The following MALRD1 variants were observed in gnomAD, a reference collection of about 807,000 sequenced individuals.
The protein encoded by MALRD1 is MAM and LDL receptor class A domain containing 1.
MALRD1 carries 247 observed loss-of-function variants against 242.1 expected under a neutral mutation model. The observed-to-expected ratio is 1.02, with a 90% CI of 0.92 to 1.13. The LOEUF (loss-of-function observed/expected upper bound fraction) is 1.13, where lower values mean the gene tolerates loss of function less well. MALRD1 is among the 50% of genes most tolerant of loss of function. MALRD1 has a pLI of 0.00. For missense variants in MALRD1, 2,989 were observed against 2,533.1 expected (o/e 1.18, Z -3.86); for synonymous variants, 995 against 866.6 (o/e 1.15, Z -2.60).
chr10:19,357,562 A>G (rs987368799), intron 26 of MALRD1, among the ~76,000 whole-genome samples: 1 of 152,104 alleles, frequency 6.6e-6, no homozygotes, highest in Non-Finnish European at 1.5e-5. Context: ...ATATTACTTT[A>G]TAACTATAAA....
chr10:19,723,047 C>T (rs1356197273), intron 38 of MALRD1, among the ~76,000 whole-genome samples: 1 of 152,102 alleles, frequency 6.6e-6, no homozygotes, highest in Non-Finnish European at 1.5e-5. Flanking sequence ...TTTCCACCAT[C>T]TTAAGGGGTG....
rs1272789409 is a variant in MALRD1 at position 19,567,677 on chromosome 10, C to G, written c.5654C>G (p.Ser1885Cys). The G allele has an allele frequency of 1.3e-6, 2 of 1,550,390 alleles. No homozygotes were observed. The highest frequency in any genetic ancestry group is 1.7e-6 in the Non-Finnish European group (2 of 1,146,876). Reference sequence around the variant, plus strand: ...ATCTTTATTGCTCTTGATGACATCTCTTTTACCCCAGAGTGTGTGACTGGA... The same window carrying G: ...ATCTTTATTGCTCTTGATGACATCTGTTTTACCCCAGAGTGTGTGACTGGA... ...EDIFIALDDI[S>C]FTPECVTGGP... The change falls in exon 33 of 40, where the codon TCT (serine) becomes TGT (cysteine). Residue 1885 changes from serine to cysteine, a missense_variant. Ser to Cys is a moderately radical substitution (Grantham distance 112). Coordinates refer to ENST00000454679, the MANE Select transcript of MALRD1 (RefSeq NM_001142308.3).
intron 24 of MALRD1, among the ~76,000 whole-genome samples, chr10:19,341,937 T>C (rs924306819): frequency 6.6e-6 from 1 of 151,908 alleles, no homozygotes; most frequent in South Asian, 2.1e-4. Context: ...ATTTACTGAG[T>C]TTTTTGAGTT....
At chr10:19,269,297 T>C (rs1023426969) in intron 19 of MALRD1, among the ~76,000 whole-genome samples, 1 of 152,210 alleles carries the variant, frequency 6.6e-6, no homozygotes, top group African/African-American at 2.4e-5. Context: ...GTTCTTATAA[T>C]GGGATTAGTG....
chr10:19,608,219 A>C (rs948705377), intron 35 of MALRD1, among the ~76,000 whole-genome samples: 1 of 152,112 alleles, frequency 6.6e-6, no homozygotes, highest in Non-Finnish European at 1.5e-5. Flanking sequence ...TGGTTTCTAT[A>C]ATAAGGAAAC....
chr10:19,659,283 A>G (rs1467781358), intron 36 of MALRD1, among the ~76,000 whole-genome samples: 1 of 152,174 alleles, frequency 6.6e-6, no homozygotes, highest in African/African-American at 2.4e-5. Context: ...GTACAGTTCT[A>G]GGCACTTTCA....
chr10:19,673,431 T>C (rs1158621238), intron 36 of MALRD1, among the ~76,000 whole-genome samples: 1 of 152,062 alleles, frequency 6.6e-6, no homozygotes, highest in Non-Finnish European at 1.5e-5. Context: ...CCTTATATGA[T>C]TAGAACTGTA....
chr10:19,600,263 T>C (rs1348104958), intron 34 of MALRD1, among the ~76,000 whole-genome samples: 1 of 152,174 alleles, frequency 6.6e-6, no homozygotes, highest in Non-Finnish European at 1.5e-5. Context: ...TTCCTCTGCA[T>C]TTACCAGCTT....
intron 12 of MALRD1, among the ~76,000 whole-genome samples, chr10:19,163,858 G>A (rs1834555079): frequency 6.6e-6 from 1 of 152,142 alleles, no homozygotes; most frequent in African/African-American, 2.4e-5. Context: ...CATTGACTAT[G>A]GATCCCATTG....
chr10:19,719,828 T>A (rs948479815), intron 38 of MALRD1, among the ~76,000 whole-genome samples: 1 of 151,512 alleles, frequency 6.6e-6, no homozygotes, highest in Admixed American at 6.6e-5. Context: ...TTCCTTTTCC[T>A]CCAGATTGTT....
At chr10:19,268,047 T>C (rs1840038573) in intron 19 of MALRD1, among the ~76,000 whole-genome samples, 2 of 152,156 alleles carry the variant, frequency 1.3e-5, no homozygotes, top group Admixed American at 6.5e-5. Context: ...TCTCTCTTAA[T>C]TGAGAGAAAT....
chr10:19,283,490 C>T (rs1840928362), intron 21 of MALRD1, among the ~76,000 whole-genome samples: 2 of 152,044 alleles, frequency 1.3e-5, no homozygotes, highest in East Asian at 1.9e-4. Context: ...TCTTGCCTCC[C>T]CAAATGTCTT....
intron 32 of MALRD1, among the ~76,000 whole-genome samples, chr10:19,547,210 T>C (rs1162333301): frequency 6.6e-6 from 1 of 152,194 alleles, no homozygotes. Flanking sequence ...TCAAATAATG[T>C]GGGGTCAACG....
intron 29 of MALRD1, among the ~76,000 whole-genome samples, chr10:19,486,035 C>G (rs1160111786): frequency 2.0e-5 from 3 of 151,606 alleles, no homozygotes. Flanking sequence ...AGTATTTAAC[C>G]TAGTTACAAA....
At chr10:19,505,679 A>T (rs1472720919) in intron 31 of MALRD1, among the ~76,000 whole-genome samples, 1 of 152,226 alleles carries the variant, frequency 6.6e-6, no homozygotes, top group Non-Finnish European at 1.5e-5. Flanking sequence ...CACTCAGACC[A>T]CTTGGAGGAA....
At chr10:19,386,408 G>C (rs1215052003) in intron 26 of MALRD1, among the ~76,000 whole-genome samples, 1 of 50,980 alleles carries the variant, frequency 2.0e-5, no homozygotes, top group Non-Finnish European at 4.0e-5. Context: ...GGAAGAAGGA[G>C]AAGACAAGAA....
intron 18 of MALRD1, among the ~76,000 whole-genome samples, chr10:19,211,975 A>G (rs996124616): frequency 1.3e-5 from 2 of 152,208 alleles, no homozygotes; most frequent in African/African-American, 4.8e-5. Context: ...TGTACATGTA[A>G]GTATACAGGA....
intron 13 of MALRD1, among the ~76,000 whole-genome samples, chr10:19,168,768 T>C (rs2131515005): frequency 6.6e-6 from 1 of 152,194 alleles, no homozygotes; most frequent in African/African-American, 2.4e-5. Flanking sequence ...TCTCCCTTCA[T>C]CCCCCTGCTG....
intron 5 of MALRD1, among the ~76,000 whole-genome samples, chr10:19,111,675 G>A (rs1309211768): frequency 1.3e-5 from 2 of 152,204 alleles, no homozygotes; most frequent in South Asian, 2.1e-4. Flanking sequence ...CTTTTATGGG[G>A]CATTGCAAAC....
Sources: allele counts gnomAD v4.1 joint callset (sites outside exome capture counted in the v4.1 genomes callset), GRCh38; gene constraint gnomAD v4.1.1; transcripts MANE v1.5; gene names NCBI Gene and HGNC (gene_info 2026-07-23, HGNC 2026-07-21).